Variants in SLC24A2 observed in about 807,000 individuals in gnomAD.
SLC24A2 encodes the protein solute carrier family 24 member 2, also known as sodium/potassium/calcium exchanger 2.
A neutral mutation model predicts 62.0 loss-of-function variants in SLC24A2; 36 were observed. That is an observed-to-expected ratio of 0.58 (90% CI 0.44 to 0.77). SLC24A2 has a LOEUF of 0.77. Ranked by LOEUF, SLC24A2 falls within the 30% of genes least tolerant of loss-of-function variation. SLC24A2 has a pLI of 0.00. For missense variants in SLC24A2, 846 were observed against 817.9 expected (o/e 1.03, Z -0.42); for synonymous variants, 358 against 294.0 (o/e 1.22, Z -2.23).
chr9:20,047,116 G>C, the SLC24A2 span, among the ~76,000 whole-genome samples: 1 of 152,106 alleles, frequency 6.6e-6, no homozygotes, highest in Non-Finnish European at 1.5e-5. Context: ...AACAGCATCT[G>C]TCCAGCCTGA....
At chr9:20,287,295 C>G in the SLC24A2 span, among the ~76,000 whole-genome samples, 1 of 152,182 alleles carries the variant, frequency 6.6e-6, no homozygotes, top group Non-Finnish European at 1.5e-5. Context: ...AATCTGGGAA[C>G]CAGGCAAACA....
the SLC24A2 span, among the ~76,000 whole-genome samples, chr9:19,821,693 G>A: frequency 6.6e-6 from 1 of 151,998 alleles, no homozygotes; most frequent in South Asian, 2.1e-4. Flanking sequence ...TTTCTAATAA[G>A]ATTTAAGTTG....
chr9:19,987,299 A>G, the SLC24A2 span, among the ~76,000 whole-genome samples: 16 of 152,160 alleles, frequency 1.1e-4, no homozygotes, highest in Non-Finnish European at 1.9e-4. Context: ...GCTATACGAT[A>G]CCTTGGCAGA....
At chr9:20,289,414 A>G in the SLC24A2 span, among the ~76,000 whole-genome samples, 1 of 152,194 alleles carries the variant, frequency 6.6e-6, no homozygotes, top group Non-Finnish European at 1.5e-5. Context: ...CCATGGGAAC[A>G]AGACAAGGGT....
At chr9:20,132,408 T>G in the SLC24A2 span, among the ~76,000 whole-genome samples, 15 of 152,222 alleles carry the variant, frequency 9.9e-5, no homozygotes, top group African/African-American at 3.1e-4. Flanking sequence ...AGTAAAACCT[T>G]TAGGTTATTT....
At chr9:19,712,566 C>T (rs567020023) in intron 2 of SLC24A2, among the ~76,000 whole-genome samples, 1 of 152,134 alleles carries the variant, frequency 6.6e-6, no homozygotes, top group African/African-American at 2.4e-5. Context: ...AGGAGTCTTG[C>T]CTGTTACCCT....
chr9:20,226,860 G>A, the SLC24A2 span, among the ~76,000 whole-genome samples: 8 of 152,298 alleles, frequency 5.3e-5, no homozygotes, highest in Non-Finnish European at 8.8e-5. Flanking sequence ...TTTGCAAATA[G>A]AGATACATCC....
chr9:20,045,349 G>A, the SLC24A2 span, among the ~76,000 whole-genome samples: 2 of 152,142 alleles, frequency 1.3e-5, no homozygotes, highest in African/African-American at 4.8e-5. Flanking sequence ...CTAAGGAAAT[G>A]ATACTTCAGC....
the SLC24A2 span, among the ~76,000 whole-genome samples, chr9:20,026,006 G>C: frequency 0.16 from 24,270 of 152,124 alleles, 2,235 homozygotes; most frequent in East Asian, 0.23. Context: ...TTAAAAGCTT[G>C]TTCTCTAGTC....
At chr9:19,617,473 C>G (rs1207464682) in intron 4 of SLC24A2, among the ~76,000 whole-genome samples, 1 of 152,074 alleles carries the variant, frequency 6.6e-6, no homozygotes, top group Non-Finnish European at 1.5e-5. Context: ...ATCTATATTC[C>G]TATTATATAT....
intron 2 of SLC24A2, among the ~76,000 whole-genome samples, chr9:19,735,276 T>C (rs1821472106): frequency 6.6e-6 from 1 of 152,064 alleles, no homozygotes; most frequent in African/African-American, 2.4e-5. Flanking sequence ...TCACTGGCCA[T>C]CAGAGAAATG....
At chr9:20,289,502 G>A in the SLC24A2 span, among the ~76,000 whole-genome samples, 8 of 152,192 alleles carry the variant, frequency 5.3e-5, no homozygotes, top group South Asian at 1.0e-3. Context: ...GCCTGCCTTC[G>A]GATAAGTCAT....
the SLC24A2 span, among the ~76,000 whole-genome samples, chr9:20,013,566 G>A: frequency 9.5e-4 from 144 of 152,114 alleles, no homozygotes; most frequent in Admixed American, 3.6e-3. Context: ...AAATGAGATG[G>A]CATCAAACTA....
intron 4 of SLC24A2, among the ~76,000 whole-genome samples, chr9:19,598,683 ATG>A (rs1437466647): frequency 6.6e-6 from 1 of 152,044 alleles, no homozygotes; most frequent in Non-Finnish European, 1.5e-5. Flanking sequence ...GTGTATATAT[ATG>A]TATATATATA....
chr9:19,786,700 A>G lies in SLC24A2; in HGVS notation c.167T>C (p.Ile56Thr). 1 of 1,612,100 alleles carries G rather than the reference A, an allele frequency of 6.2e-7. No individual in the cohort carries two copies. Among genetic ancestry groups the G allele is most frequent in the African/African-American group, 1.3e-5 (1 of 74,942 alleles). The change falls in exon 2 of 11, where the codon ATC becomes ACC. Residue 56 changes from isoleucine to threonine, a missense_variant. Physicochemically the swap from Ile to Thr is moderately conservative, Grantham distance 89 (BLOSUM62 -1). Transcript: ENST00000341998. This position sits in a 1 kb window ranked among gnomAD's most constrained non-coding sequence, Gnocchi z 5.0. ...LVAISTVSFS[I>T]SAFSETDTQS... ...TGTATCTGTCTCAGAAAAGGCACTGATTGAAAATGAGACAGTGCTAATGGC... is the reference window on the plus strand; with the variant it reads ...TGTATCTGTCTCAGAAAAGGCACTGGTTGAAAATGAGACAGTGCTAATGGC...
chr9:20,057,516 C>T, the SLC24A2 span, among the ~76,000 whole-genome samples: 4 of 152,108 alleles, frequency 2.6e-5, no homozygotes, highest in African/African-American at 7.2e-5. Flanking sequence ...GAGAAAACTC[C>T]ACTTGCTTAC....
intron 8 of SLC24A2, among the ~76,000 whole-genome samples, chr9:19,537,294 T>C (rs1834025428): frequency 7.4e-6 from 1 of 135,620 alleles, no homozygotes; most frequent in African/African-American, 2.8e-5. Context: ...ATGTCCTGAA[T>C]GGTAATGCCT....
intron 2 of SLC24A2, among the ~76,000 whole-genome samples, chr9:19,714,642 C>T (rs867327357): frequency 6.6e-6 from 1 of 151,756 alleles, no homozygotes; most frequent in Non-Finnish European, 1.5e-5. Flanking sequence ...ATTTTTTTTG[C>T]GTATATCTAT....
intron 2 of SLC24A2, among the ~76,000 whole-genome samples, chr9:19,667,695 T>C (rs973451294): frequency 6.6e-6 from 1 of 152,170 alleles, no homozygotes; most frequent in Non-Finnish European, 1.5e-5. Flanking sequence ...TGGAATGGCA[T>C]GAGAAGCCCA....
Sources: allele counts gnomAD v4.1 joint callset (sites outside exome capture counted in the v4.1 genomes callset), GRCh38; gene constraint gnomAD v4.1.1; non-coding constraint Gnocchi (gnomAD v3.1); transcripts MANE v1.5; gene names NCBI Gene and HGNC (gene_info 2026-07-23, HGNC 2026-07-21).